The following ST3GAL1 variants were observed in gnomAD, a reference collection of about 807,000 sequenced individuals.
ST3GAL1 encodes the protein ST3 beta-galactoside alpha-2,3-sialyltransferase 1, also known as CMP-N-acetylneuraminate-beta-galactosamide-alpha-2,3-sialyltransferase 1.
Under a neutral mutation model 34.1 loss-of-function variants are expected in ST3GAL1, and 16 were observed. The observed-to-expected ratio is 0.47, with a 90% CI of 0.32 to 0.71. The LOEUF (loss-of-function observed/expected upper bound fraction) is 0.71. Among genes scored for constraint, ST3GAL1 ranks in the 30% least tolerant of loss-of-function variants. The pLI is 0.04. For synonymous variants in ST3GAL1, 191 were observed against 184.7 expected, an observed-to-expected ratio of 1.03 and a Z score of -0.28; for missense variants, 353 against 447.4, an observed-to-expected ratio of 0.79 and a Z score of 1.90.
At chr8:133,565,848 A>G (rs1010337515) in intron 1 of ST3GAL1, among the ~76,000 whole-genome samples, 3 of 151,528 alleles carry the variant, frequency 2.0e-5, no homozygotes, top group African/African-American at 7.4e-5. Flanking sequence ...GGCCAGGGCC[A>G]GGGCCCAGGA....
At chr8:133,499,820 T>C (rs1234589884) in intron 2 of ST3GAL1, among the ~76,000 whole-genome samples, 1 of 152,094 alleles carries the variant, frequency 6.6e-6, no homozygotes, top group Non-Finnish European at 1.5e-5. Context: ...GGAATCCAGG[T>C]CTGCAGGTCA....
rs145602093 is a variant in ST3GAL1, at chr8:133,476,011, C to T, written c.14G>A (p.Arg5Gln). The T allele has an allele frequency of 2.7e-5, 43 of 1,593,110 alleles. No individual in the cohort carries two copies. Among genetic ancestry groups the T allele is most frequent in the African/African-American group, 8.1e-5 (6 of 74,520 alleles). Reference sequence around the variant, plus strand: ...GGTGAGCACTTTCAGGGTCCTCTTCCGCAGGGTCACCATCTTCGCAGTCCT... The same window carrying T: ...GGTGAGCACTTTCAGGGTCCTCTTCTGCAGGGTCACCATCTTCGCAGTCCT... MVTL[R>Q]KRTLKVLTFL... The change falls in exon 5 of 10, where the codon CGG (arginine) becomes CAG (glutamine). Residue 5 changes from arginine to glutamine, a missense_variant. By Grantham distance (43) the Arg-to-Gln change is conservative. Transcript: ENST00000522652.
chr8:133,474,617 C>A (rs940254770), intron 5 of ST3GAL1, among the ~76,000 whole-genome samples: 1 of 152,108 alleles, frequency 6.6e-6, no homozygotes, highest in Non-Finnish European at 1.5e-5. Flanking sequence ...TGATTTACAG[C>A]CCCCCAGCCA....
At chr8:133,550,168 A>C (rs1818799023) in intron 1 of ST3GAL1, among the ~76,000 whole-genome samples, 1 of 152,194 alleles carries the variant, frequency 6.6e-6, no homozygotes, top group African/African-American at 2.4e-5. Flanking sequence ...TTTTGGTTTT[A>C]ACAGGAGCCC....
chr8:133,525,518 G>A (rs1817942824), intron 2 of ST3GAL1, among the ~76,000 whole-genome samples: 1 of 152,172 alleles, frequency 6.6e-6, no homozygotes, highest in Non-Finnish European at 1.5e-5. Flanking sequence ...TGGGTTGAAG[G>A]TGGTGTTTCA....
chr8:133,513,265 G>A (rs899781174), intron 2 of ST3GAL1, among the ~76,000 whole-genome samples: 40 of 152,158 alleles, frequency 2.6e-4, no homozygotes, highest in Admixed American at 1.9e-3. Context: ...CTGCAGCAGC[G>A]CCCACTCTCG....
At chr8:133,471,770 G>A (rs1815971612) in intron 5 of ST3GAL1, among the ~76,000 whole-genome samples, 1 of 152,064 alleles carries the variant, frequency 6.6e-6, no homozygotes, top group African/African-American at 2.4e-5. Context: ...CTGGGCCCAG[G>A]ACCTGGCCAG....
intron 2 of ST3GAL1, among the ~76,000 whole-genome samples, chr8:133,506,461 C>T (rs1330323789): frequency 2.0e-5 from 3 of 152,116 alleles, no homozygotes; most frequent in Non-Finnish European, 4.4e-5. Flanking sequence ...TGATGGGCAA[C>T]CTTGAAAGAT....
chr8:133,541,143 A>AGG (rs1818515486), intron 2 of ST3GAL1, among the ~76,000 whole-genome samples: 1 of 140,150 alleles, frequency 7.1e-6, no homozygotes, highest in African/African-American at 2.7e-5. Flanking sequence ...AGAGAGAGAG[A>AGG]GAGAGAGAGA....
intron 1 of ST3GAL1, among the ~76,000 whole-genome samples, chr8:133,569,589 T>C (rs933941384): frequency 8.6e-5 from 13 of 151,906 alleles, no homozygotes; most frequent in African/African-American, 3.1e-4. Context: ...TACCCAGATA[T>C]TGGCAGAGGC....
chr8:133,495,680 G>A (rs994111824), intron 3 of ST3GAL1, among the ~76,000 whole-genome samples: 6 of 152,134 alleles, frequency 3.9e-5, no homozygotes, highest in African/African-American at 1.4e-4. Flanking sequence ...CAAAAAGCTG[G>A]CTTGCTTGCT....
chr8:133,534,445 G>A (rs749441071), intron 2 of ST3GAL1, among the ~76,000 whole-genome samples: 73 of 152,108 alleles, frequency 4.8e-4, no homozygotes, highest in Non-Finnish European at 7.5e-4. Flanking sequence ...GGGTTCACTC[G>A]TGTCTCCTTC....
chr8:133,537,918 A>T (rs544991334), intron 2 of ST3GAL1, among the ~76,000 whole-genome samples: 1 of 152,264 alleles, frequency 6.6e-6, no homozygotes, highest in Admixed American at 6.5e-5. Context: ...TAATGATGAG[A>T]GTTGTGACTG....
At chr8:133,492,000 A>C (rs1229650783) in intron 3 of ST3GAL1, among the ~76,000 whole-genome samples, 2 of 152,098 alleles carry the variant, frequency 1.3e-5, no homozygotes, top group East Asian at 3.9e-4. Context: ...GAGGAGCGAA[A>C]ACATGGGTGG....
Position 133,571,038 on chromosome 8 carries a change from G to A in ST3GAL1, c.-582+655C>T, listed in dbSNP as rs1330693814. On this transcript the variant is annotated intron_variant, in intron 1 of 9. Coordinates refer to ENST00000522652, the MANE Select transcript of ST3GAL1 (RefSeq NM_173344.3). This position sits in a 1 kb window ranked among gnomAD's most constrained non-coding sequence, Gnocchi z 6.7. The stretch of plus-strand genomic sequence containing the variant: ...CGCCGCGTTCAGCTCTCTTGTCCCG[G>A]GTGTCAACTTCACCCCCAGATCCGG... Among the ~76,000 whole-genome samples, 1 of 152,186 alleles carries A rather than the reference G, an allele frequency of 6.6e-6. No homozygotes were observed. Among genetic ancestry groups the A allele is most frequent in the African/African-American group, 2.4e-5 (1 of 41,456 alleles).
intron 2 of ST3GAL1, chr8:133,539,726 A>G (rs1451999342): frequency 6.6e-6 from 1 of 151,974 alleles, no homozygotes; most frequent in Admixed American, 6.6e-5. Flanking sequence ...GCAAAACACC[A>G]TCTCTATAAA....
chr8:133,540,341 G>T (rs994692608), intron 2 of ST3GAL1, among the ~76,000 whole-genome samples: 1 of 152,158 alleles, frequency 6.6e-6, no homozygotes, highest in Non-Finnish European at 1.5e-5. Context: ...CTCTTATCTA[G>T]TCAGAGTGCC....
chr8:133,509,836 T>C (rs1817453784), intron 2 of ST3GAL1, among the ~76,000 whole-genome samples: 1 of 152,032 alleles, frequency 6.6e-6, no homozygotes, highest in Admixed American at 6.5e-5. Flanking sequence ...GGCGGGTGGA[T>C]CAACTGAGGT....
chr8:133,553,183 G>T (rs1290623377), intron 1 of ST3GAL1, among the ~76,000 whole-genome samples: 2 of 152,100 alleles, frequency 1.3e-5, no homozygotes, highest in Non-Finnish European at 2.9e-5. Flanking sequence ...ACTCTGCTTT[G>T]CTGTTAACAG....
Sources: gnomAD v4.1 joint callset for allele counts (sites outside exome capture counted in the v4.1 genomes callset) on GRCh38, gnomAD v4.1.1 for gene constraint, Gnocchi (gnomAD v3.1) non-coding constraint, MANE v1.5 for transcripts, NCBI Gene and HGNC (gene_info 2026-07-23, HGNC 2026-07-21) for gene names.